The following STAU2 variants were observed in gnomAD, a reference collection of about 807,000 sequenced individuals.
The protein encoded by STAU2 is staufen double-stranded RNA binding protein 2.
STAU2 carries 20 observed loss-of-function variants against 65.9 expected under a neutral mutation model. The observed-to-expected ratio is 0.30, with a 90% confidence interval of 0.21 to 0.44. STAU2 has a LOEUF of 0.44. STAU2 is among the 20% of genes least tolerant of loss of function. STAU2 has a pLI of 1.00. For missense variants in STAU2, 558 were observed against 683.9 expected (o/e 0.82, Z 2.05); for synonymous variants, 232 against 233.9 (o/e 0.99, Z 0.07).
chr8:73,524,897 G>A (rs889673121), intron 13 of STAU2, among the ~76,000 whole-genome samples: 41 of 152,268 alleles, frequency 2.7e-4, no homozygotes, highest in African/African-American at 8.2e-4. Flanking sequence ...ATGCTGCTAC[G>A]GTGAAGGAGT....
At chr8:73,543,760 G>A (rs1248745629) in intron 13 of STAU2, among the ~76,000 whole-genome samples, 1 of 152,108 alleles carries the variant, frequency 6.6e-6, no homozygotes, top group Admixed American at 6.5e-5. Flanking sequence ...TTGAATTCAT[G>A]AATAAATGAA....
At chr8:73,704,349 T>C (rs1050699646) in intron 4 of STAU2, among the ~76,000 whole-genome samples, 6 of 152,212 alleles carry the variant, frequency 3.9e-5, no homozygotes, top group Admixed American at 3.3e-4. Flanking sequence ...ATGTAATACA[T>C]GATCCTTGTT....
At chr8:73,609,289 A>G (rs891819141) in intron 9 of STAU2, among the ~76,000 whole-genome samples, 1 of 152,168 alleles carries the variant, frequency 6.6e-6, no homozygotes, top group African/African-American at 2.4e-5. Flanking sequence ...AAGGGAAAGG[A>G]AAGAGCAAAG....
chr8:73,597,935 C>T (rs567687930), intron 10 of STAU2, among the ~76,000 whole-genome samples: 30 of 152,104 alleles, frequency 2.0e-4, no homozygotes, highest in Non-Finnish European at 3.7e-4. Context: ...CAAATTCATC[C>T]ATAAAACACG....
intron 13 of STAU2, among the ~76,000 whole-genome samples, chr8:73,515,951 GGAAA>G (rs1255487618): frequency 1.2e-5 from 1 of 82,084 alleles, no homozygotes; most frequent in Non-Finnish European, 2.5e-5. Context: ...TTTTTTTTTT[GGAAA>G]GAGAGTCTTG....
intron 6 of STAU2, among the ~76,000 whole-genome samples, chr8:73,649,869 T>A (rs867142686): frequency 9.8e-5 from 7 of 71,622 alleles, no homozygotes; most frequent in Admixed American, 3.3e-4. Flanking sequence ...CTATATAATT[T>A]TATATATATA....
intron 13 of STAU2, among the ~76,000 whole-genome samples, chr8:73,478,856 A>G (rs1820457167): frequency 6.6e-6 from 1 of 152,212 alleles, no homozygotes; most frequent in South Asian, 2.1e-4. Context: ...ATGGATAAAT[A>G]GATTAGATAG....
Position 73,606,761 on chromosome 8 carries a change from GAT to G in STAU2, c.892-2900_892-2899del, listed in dbSNP as rs572618356. 2.1e-3 allele frequency among the ~76,000 whole-genome samples: 313 copies of G among 152,258 alleles called. 1 individual carries two copies. Among genetic ancestry groups the G allele is most frequent in the Middle Eastern group, 0.017 (5 of 294 alleles). On this transcript the variant is annotated intron_variant, in intron 9 of 14. Coordinates refer to ENST00000524300, the MANE Select transcript of STAU2 (RefSeq NM_001164380.2). ...GAGAAATGAAAGCATATGCTCTTAA[GAT>G]ACACACACAAATATTCATAGCTGCT... is the stretch of plus-strand genomic sequence containing the variant.
At chr8:73,427,041 G>C (rs1816876989) in intron 13 of STAU2, among the ~76,000 whole-genome samples, 2 of 150,188 alleles carry the variant, frequency 1.3e-5, no homozygotes, top group Non-Finnish European at 1.5e-5. Flanking sequence ...CGATTCTCCT[G>C]CCTCAGCCTC....
At chr8:73,687,804 CG>C (rs1563507462) in intron 5 of STAU2, among the ~76,000 whole-genome samples, 1 of 151,822 alleles carries the variant, frequency 6.6e-6, no homozygotes, top group Admixed American at 6.6e-5. Context: ...CTCTGCCTCC[CG>C]GGTTCACGCC....
In STAU2 at chr8:73,473,671, G is replaced by A. The variant is rs16938672; in HGVS notation, c.1531-50969C>T. Reference sequence around the variant, plus strand: ...GGAGAGAGAAACGGCCAGAGGCTTGGATTTGCCAGTGATGCCACATGACAA... The same window carrying A: ...GGAGAGAGAAACGGCCAGAGGCTTGAATTTGCCAGTGATGCCACATGACAA... On this transcript the variant is annotated intron_variant, in intron 13 of 14. Coordinates refer to ENST00000524300, the MANE Select transcript of STAU2 (RefSeq NM_001164380.2). Among the ~76,000 whole-genome samples, 1,401 of 152,292 alleles carry A rather than the reference G, an allele frequency of 9.2e-3. 26 individuals are homozygous for A. Among genetic ancestry groups the A allele is most frequent in the African/African-American group, 0.032 (1,319 of 41,550 alleles).
intron 11 of STAU2, among the ~76,000 whole-genome samples, chr8:73,593,447 T>C (rs1040187965): frequency 6.6e-6 from 1 of 152,220 alleles, no homozygotes; most frequent in Non-Finnish European, 1.5e-5. Flanking sequence ...GCTCCTTGAG[T>C]GCAGAGACCA....
At position 73,552,322 on chromosome 8, in the gene STAU2, A is replaced by C. The variant is rs1365815083; in HGVS notation, c.1223-3T>G. On this transcript the variant is annotated splice_polypyrimidine_tract_variant and splice_region_variant and intron_variant, in intron 12 of 14. Coordinates refer to ENST00000524300, the MANE Select transcript of STAU2 (RefSeq NM_001164380.2). ...CAAATGAAGAATTCCTTTTGGAGCT[A>C]TAAATAAAATGAAGAACACTGTTAT... is the stretch of plus-strand genomic sequence containing the variant. The C allele has an allele frequency of 6.2e-7, 1 of 1,606,964 alleles. No individual in the cohort carries two copies. The highest frequency in any genetic ancestry group is 1.7e-5 in the Admixed American group (1 of 58,714).
chr8:73,519,293 T>C (rs1181092268), intron 13 of STAU2, among the ~76,000 whole-genome samples: 1 of 152,182 alleles, frequency 6.6e-6, no homozygotes, highest in Non-Finnish European at 1.5e-5. Flanking sequence ...ATGTCTTTTA[T>C]ATTAATAAAA....
chr8:73,667,363 G>A (rs543182362), intron 6 of STAU2, among the ~76,000 whole-genome samples: 7 of 152,216 alleles, frequency 4.6e-5, no homozygotes, highest in Non-Finnish European at 8.8e-5. Context: ...TCGTGGCATG[G>A]ACAATTCAGG....
At chr8:73,533,092 C>A (rs1805932070) in intron 13 of STAU2, among the ~76,000 whole-genome samples, 1 of 152,152 alleles carries the variant, frequency 6.6e-6, no homozygotes, top group Non-Finnish European at 1.5e-5. Context: ...TTAGAATAAA[C>A]CTCTTTAAAA....
At chr8:73,586,646 C>CAAAAAA (rs56687221) in intron 11 of STAU2, among the ~76,000 whole-genome samples, 1 of 62,740 alleles carries the variant, frequency 1.6e-5, no homozygotes. Flanking sequence ...AAAAAAAATG[C>CAAAAAA]AAAAAAAAAA....
At chr8:73,701,166 A>C (rs1356584484) in intron 4 of STAU2, among the ~76,000 whole-genome samples, 1 of 152,212 alleles carries the variant, frequency 6.6e-6, no homozygotes, top group Non-Finnish European at 1.5e-5. Context: ...TCAAACTATG[A>C]AACTATTACA....
chr8:73,429,413 C>CTTTTTTTTTTTTTTTTTTTTTT (rs71561522), intron 13 of STAU2, among the ~76,000 whole-genome samples: 1 of 65,312 alleles, frequency 1.5e-5, no homozygotes, highest in Admixed American at 1.6e-4. Flanking sequence ...TTGCTCAGGT[C>CTTTTTTTTTTTTTTTTTTTTTT]TTTTTTTTTT....
Sources: gnomAD v4.1 joint callset for allele counts (sites outside exome capture counted in the v4.1 genomes callset) on GRCh38, gnomAD v4.1.1 for gene constraint, MANE v1.5 for transcripts, NCBI Gene and HGNC (gene_info 2026-07-23, HGNC 2026-07-21) for gene names.